CDK6: variants seen among roughly 807,000 people sequenced by gnomAD.
CDK6 encodes the protein cyclin-dependent kinase 6.
In CDK6, 6 loss-of-function variants were observed where a neutral mutation model predicts 37.1. The ratio of observed to expected loss-of-function variants is 0.16; its 90% CI spans 0.09 to 0.32. The LOEUF (loss-of-function observed/expected upper bound fraction) is 0.32, where lower values mean the gene tolerates loss of function less well. CDK6 is among the 10% of genes least tolerant of loss of function. The pLI is 1.00. For missense variants in CDK6, 224 were observed against 418.9 expected (o/e 0.53, Z 4.06); for synonymous variants, 160 against 161.3 (o/e 0.99, Z 0.06).
At position 92,833,971 on chromosome 7, in the gene CDK6, G is replaced by C; in HGVS notation, c.-367-281C>G. 1 of 398,608 alleles carries C rather than the reference G, an allele frequency of 2.5e-6. No individual in the cohort carries two copies. The highest frequency in any genetic ancestry group is 3.6e-5 in the East Asian group (1 of 28,028). The allele number at this position is 398,608 out of a possible 1,614,324, so 24.7% of individuals were successfully genotyped here. On this transcript the variant is annotated intron_variant, in intron 1 of 7. Coordinates refer to ENST00000424848, the MANE Select transcript of CDK6 (RefSeq NM_001145306.2). This position sits in a 1 kb window ranked among gnomAD's most constrained non-coding sequence, Gnocchi z 6.1. ...GCGCGGGACGCAGTGGAACGGGAGG[G>C]GGCGTGCCGAGCAGCCCAGAGTGTG...
chr7:92,748,080 T>C (rs1222286662), intron 3 of CDK6, among the ~76,000 whole-genome samples: 1 of 152,180 alleles, frequency 6.6e-6, no homozygotes, highest in Non-Finnish European at 1.5e-5. Context: ...AATGGAAAAT[T>C]CTTAAAATTA....
At chr7:92,739,983 C>T (rs542000988) in intron 3 of CDK6, among the ~76,000 whole-genome samples, 1 of 152,188 alleles carries the variant, frequency 6.6e-6, no homozygotes, top group East Asian at 1.9e-4. Context: ...GGTCTAAACA[C>T]CTGGGCTCAA....
At chr7:92,616,446 G>A (rs562191991) in intron 7 of CDK6, among the ~76,000 whole-genome samples, 1 of 152,288 alleles carries the variant, frequency 6.6e-6, no homozygotes, top group Admixed American at 6.5e-5. Flanking sequence ...TCAGTCCATG[G>A]TTGCTAGCCT....
At chr7:92,672,142 T>TATATA (rs1183432214) in intron 4 of CDK6, among the ~76,000 whole-genome samples, 1 of 110,822 alleles carries the variant, frequency 9.0e-6, no homozygotes, top group African/African-American at 3.6e-5. Context: ...TACATATATA[T>TATATA]ATATATATAT....
intron 4 of CDK6, among the ~76,000 whole-genome samples, chr7:92,702,429 C>T (rs546219746): frequency 6.6e-6 from 1 of 151,710 alleles, no homozygotes; most frequent in African/African-American, 2.4e-5. Context: ...GACGGGATTT[C>T]GCCATGTTGG....
intron 2 of CDK6, among the ~76,000 whole-genome samples, chr7:92,809,598 T>C (rs1438933664): frequency 6.6e-6 from 1 of 152,258 alleles, no homozygotes; most frequent in African/African-American, 2.4e-5. Context: ...AAATGAGTTA[T>C]AGCAGGACTG....
At chr7:92,704,095 C>A (rs909686247) in intron 4 of CDK6, among the ~76,000 whole-genome samples, 1 of 152,124 alleles carries the variant, frequency 6.6e-6, no homozygotes, top group Non-Finnish European at 1.5e-5. Flanking sequence ...CTATCTCCTA[C>A]GCAAAAGACC....
chr7:92,637,255 C>G (rs1796194456), intron 5 of CDK6, among the ~76,000 whole-genome samples: 1 of 152,096 alleles, frequency 6.6e-6, no homozygotes, highest in Non-Finnish European at 1.5e-5. Flanking sequence ...ACAATTTAGT[C>G]AGATTTTGGA....
In CDK6 at chr7:92,833,710, G is replaced by T. The variant is rs1380708744; in HGVS notation, c.-367-20C>A. Reference sequence around the variant, plus strand: ...TTGCACCTAAAGGAGGAGACGGGAGGATAAGAAGAAAGTGCAATCAGACAG... The same window carrying T: ...TTGCACCTAAAGGAGGAGACGGGAGTATAAGAAGAAAGTGCAATCAGACAG... On this transcript the variant is annotated intron_variant, in intron 1 of 7. Coordinates refer to ENST00000424848, the MANE Select transcript of CDK6 (RefSeq NM_001145306.2). This position sits in a 1 kb window ranked among gnomAD's most constrained non-coding sequence, Gnocchi z 6.1. 1 of 433,718 alleles carries T rather than the reference G, an allele frequency of 2.3e-6. No homozygotes were observed. The highest frequency in any genetic ancestry group is 2.1e-5 in the African/African-American group (1 of 48,732). 26.9% of individuals were successfully genotyped at this position (433,718 alleles called of 1,614,324 possible).
chr7:92,766,812 A>G (rs1230782525), intron 3 of CDK6, among the ~76,000 whole-genome samples: 5 of 152,242 alleles, frequency 3.3e-5, no homozygotes, highest in Admixed American at 6.5e-5. Context: ...AGGGTGAGGA[A>G]GCATTTTCTA....
intron 7 of CDK6, among the ~76,000 whole-genome samples, chr7:92,615,934 C>G (rs554864992): frequency 7.9e-5 from 12 of 152,308 alleles, no homozygotes; most frequent in Admixed American, 3.3e-4. Flanking sequence ...CTGTCCATAC[C>G]TAAATTAGTT....
chr7:92,751,755 A>C (rs1799194956), intron 3 of CDK6, among the ~76,000 whole-genome samples: 1 of 152,194 alleles, frequency 6.6e-6, no homozygotes, highest in Non-Finnish European at 1.5e-5. Context: ...CCAAAATCTA[A>C]TGAAAAACTT....
intron 2 of CDK6, among the ~76,000 whole-genome samples, chr7:92,782,186 G>A (rs1456942828): frequency 6.6e-6 from 1 of 152,174 alleles, no homozygotes; most frequent in African/African-American, 2.4e-5. Context: ...TTGTGGGAAA[G>A]AAGACTTACA....
intron 4 of CDK6, among the ~76,000 whole-genome samples, chr7:92,706,405 A>C (rs1305565795): frequency 6.6e-6 from 1 of 152,206 alleles, no homozygotes; most frequent in African/African-American, 2.4e-5. Flanking sequence ...CTGTCTTTTT[A>C]AAAAAGCTAA....
chr7:92,725,656 G>T lies in CDK6; in HGVS notation c.507C>A (p.Ile169=), dbSNP rs1217126034. 3 of 1,614,084 alleles carry T rather than the reference G, an allele frequency of 1.9e-6. No individual in the cohort carries two copies. Among genetic ancestry groups the T allele is most frequent in the Non-Finnish European group, 2.5e-6 (3 of 1,179,960 alleles). The change falls in exon 4 of 8, where the codon ATC becomes ATA. Residue 169 remains isoleucine (I), a synonymous_variant. Transcript: ENST00000424848. ...IKLADFGLAR[I]YSFQMALTSV... is the part of the protein sequence containing the mutation. ...AGGTTAGAGCCATCTGGAAACTATA[G>T]ATGCGGGCAAGGCCGAAGTCAGCGA...
chr7:92,693,611 A>T (rs1797645030), intron 4 of CDK6, among the ~76,000 whole-genome samples: 2 of 152,250 alleles, frequency 1.3e-5, no homozygotes, highest in South Asian at 4.1e-4. Context: ...TGTAAATACA[A>T]TCGATGCTTG....
chr7:92,777,162 C>A (rs1055486437), intron 2 of CDK6, among the ~76,000 whole-genome samples: 5 of 152,168 alleles, frequency 3.3e-5, no homozygotes, highest in Non-Finnish European at 5.9e-5. Flanking sequence ...AATAGGGTAT[C>A]ATTTCCCCAT....
Position 92,609,243 on chromosome 7 carries a change from C to T in CDK6, c.*5897G>A, listed in dbSNP as rs572103922. ...GGAAACTGAAAAATACTGCAATATCCTTCCCTACTAAATTTCAAGTGACAC... is the reference window on the plus strand; with the variant it reads ...GGAAACTGAAAAATACTGCAATATCTTTCCCTACTAAATTTCAAGTGACAC... On this transcript the variant is annotated 3_prime_UTR_variant, in exon 8 of 8. Transcript: ENST00000424848. The T allele has an allele frequency of 4.3e-6, 1 of 232,736 alleles. No individual in the cohort carries two copies. The highest frequency in any genetic ancestry group is 6.1e-5 in the East Asian group (1 of 16,528). 14.4% of individuals were successfully genotyped at this position (232,736 alleles called of 1,614,324 possible). A position where few individuals can be genotyped will look rare whatever the true frequency, so the allele number is the denominator to read the frequency against.
At chr7:92,695,345 A>T (rs1797693814) in intron 4 of CDK6, among the ~76,000 whole-genome samples, 1 of 152,150 alleles carries the variant, frequency 6.6e-6, no homozygotes, top group South Asian at 2.1e-4. Context: ...CAAGGTAATA[A>T]GTGCTTTCAT....
Sources: allele counts gnomAD v4.1 joint callset (sites outside exome capture counted in the v4.1 genomes callset), GRCh38; gene constraint gnomAD v4.1.1; non-coding constraint Gnocchi (gnomAD v3.1); transcripts MANE v1.5; gene names NCBI Gene and HGNC (gene_info 2026-07-23, HGNC 2026-07-21).